The following SORCS2 variants were observed in gnomAD, a reference collection of about 807,000 sequenced individuals.
SORCS2 encodes the protein VPS10 domain-containing receptor SorCS2.
SORCS2 carries 100 observed loss-of-function variants against 141.6 expected under a neutral mutation model. That is an observed-to-expected ratio of 0.71 (90% CI 0.60 to 0.83). SORCS2 has a LOEUF of 0.83. Among genes scored for constraint, SORCS2 ranks in the 40% least tolerant of loss-of-function variants. The pLI, the probability that SORCS2 is intolerant of heterozygous loss-of-function variation, is 0.00. For missense variants in SORCS2, 1,646 were observed against 1,560.2 expected, an observed-to-expected ratio of 1.05 and a Z score of -0.93; for synonymous variants, 789 against 676.9, an observed-to-expected ratio of 1.17 and a Z score of -2.57.
intron 2 of SORCS2, among the ~76,000 whole-genome samples, chr4:7,523,404 A>C (rs1412658604): frequency 6.6e-6 from 1 of 152,172 alleles, no homozygotes; most frequent in Non-Finnish European, 1.5e-5. Context: ...CTCCAAAGGA[A>C]TCCAACAAGC....
chr4:7,288,590 G>A lies in SORCS2; in HGVS notation c.480+95464G>A, dbSNP rs1383972134. Among the ~76,000 whole-genome samples the A allele has an allele frequency of 3.3e-5, 5 of 149,396 alleles. No homozygotes were observed. In the East Asian group the frequency reaches 1.0e-3, roughly 30 times the overall value. On this transcript the variant is annotated intron_variant, in intron 1 of 26. Transcript: ENST00000507866. ...GGGGGGAGAGGGGGTGGGAGGAGGA[G>A]AAGAGAGAGGAGAGAGGAGAGGGGA...
chr4:7,510,301 A>G (rs1041241211), intron 2 of SORCS2, among the ~76,000 whole-genome samples: 2 of 152,124 alleles, frequency 1.3e-5, no homozygotes, highest in Non-Finnish European at 2.9e-5. Flanking sequence ...CCGGCCCCCG[A>G]TTCGGGGTGA....
At chr4:7,694,875 T>G (rs1288010102) in intron 11 of SORCS2, among the ~76,000 whole-genome samples, 1 of 152,102 alleles carries the variant, frequency 6.6e-6, no homozygotes, top group Non-Finnish European at 1.5e-5. Context: ...CCCTTTCCCT[T>G]GGACAGCCAC....
intron 1 of SORCS2, among the ~76,000 whole-genome samples, chr4:7,276,289 G>A (rs1715497283): frequency 1.3e-5 from 2 of 152,180 alleles, no homozygotes; most frequent in African/African-American, 4.8e-5. Context: ...TCCTGGGAAG[G>A]CAGCCTGCCC....
chr4:7,463,465 T>C (rs937734769), intron 2 of SORCS2, among the ~76,000 whole-genome samples: 7 of 151,872 alleles, frequency 4.6e-5, no homozygotes, highest in African/African-American at 1.7e-4. Context: ...CTTCCCAGAG[T>C]GGAGGTGTGA....
chr4:7,498,799 C>G (rs1294447677), intron 2 of SORCS2, among the ~76,000 whole-genome samples: 1 of 152,252 alleles, frequency 6.6e-6, no homozygotes. Flanking sequence ...CATGAGCAAC[C>G]CCTGGCCCTC....
At chr4:7,323,035 T>A (rs1026393453) in intron 1 of SORCS2, among the ~76,000 whole-genome samples, 4 of 152,206 alleles carry the variant, frequency 2.6e-5, no homozygotes, top group Admixed American at 6.5e-5. Flanking sequence ...ATGGGTGTTA[T>A]CACACATAGG....
chr4:7,490,136 C>A (rs576613336), intron 2 of SORCS2, among the ~76,000 whole-genome samples: 1 of 152,314 alleles, frequency 6.6e-6, no homozygotes, highest in South Asian at 2.1e-4. Context: ...GGGTGCTGGC[C>A]TTGTTGCCTT....
chr4:7,590,327 T>C (rs1180038855), intron 3 of SORCS2, among the ~76,000 whole-genome samples: 1 of 152,226 alleles, frequency 6.6e-6, no homozygotes, highest in African/African-American at 2.4e-5. Flanking sequence ...TGCATATTCA[T>C]AGCTGTGCTT....
intron 18 of SORCS2, among the ~76,000 whole-genome samples, chr4:7,718,820 T>A (rs1726374498): frequency 6.6e-6 from 1 of 152,198 alleles, no homozygotes; most frequent in African/African-American, 2.4e-5. Context: ...AGAGTATAAA[T>A]ATGTCTCAAA....
At chr4:7,536,651 A>G (rs1254575555) in intron 3 of SORCS2, among the ~76,000 whole-genome samples, 1 of 152,194 alleles carries the variant, frequency 6.6e-6, no homozygotes, top group Non-Finnish European at 1.5e-5. Context: ...GAAGGATGTG[A>G]TGGGCTGGGC....
In SORCS2 at chr4:7,687,651, G is replaced by A. The variant is rs73794379; in HGVS notation, c.1489-1835G>A. On this transcript the variant is annotated intron_variant, in intron 10 of 26. Transcript: ENST00000507866. ...TCCCTCAGTCATCTTCAGGATGTGC[G>A]TCTGCAATGGACACAGGGCCACCTT... Among the ~76,000 whole-genome samples, 1,028 of 152,178 alleles carry A rather than the reference G, an allele frequency of 6.8e-3. 15 individuals are homozygous for A. The highest frequency in any genetic ancestry group is 0.023 in the African/African-American group (955 of 41,506).
chr4:7,694,547 G>A (rs577017817), intron 11 of SORCS2, among the ~76,000 whole-genome samples: 2 of 152,294 alleles, frequency 1.3e-5, no homozygotes, highest in South Asian at 2.1e-4. Flanking sequence ...ATTGGCCCGC[G>A]CAGTGTGCTG....
intron 9 of SORCS2, among the ~76,000 whole-genome samples, chr4:7,678,363 T>C (rs7695677): frequency 0.27 from 40,913 of 150,530 alleles, 5,633 homozygotes; most frequent in East Asian, 0.42. Context: ...CTGGGTGCCC[T>C]CCCAAGGGAT....
rs200559940 is a variant in SORCS2, at chr4:7,329,617, A to G, written c.481-66671A>G. On this transcript the variant is annotated intron_variant, in intron 1 of 26. Coordinates refer to ENST00000507866, the MANE Select transcript of SORCS2 (RefSeq NM_020777.3). ...GCCAAACACATTGCAGGAGAGAAACACGAAGAAGCATATGTAAGTTTCCCA... is the reference window on the plus strand; with the variant it reads ...GCCAAACACATTGCAGGAGAGAAACGCGAAGAAGCATATGTAAGTTTCCCA... Among the ~76,000 whole-genome samples, 9 of 152,360 alleles carry G rather than the reference A, an allele frequency of 5.9e-5. No individual in the cohort carries two copies. The East Asian group carries it at 1.3e-3, about 23-fold the overall frequency.
intron 1 of SORCS2, among the ~76,000 whole-genome samples, chr4:7,280,871 C>T (rs1215754094): frequency 4.6e-5 from 7 of 152,144 alleles, no homozygotes; most frequent in Admixed American, 3.9e-4. Flanking sequence ...ACCTGGTACC[C>T]GGTGAGGGCT....
At chr4:7,540,968 G>A (rs767160166) in intron 3 of SORCS2, among the ~76,000 whole-genome samples, 10 of 152,222 alleles carry the variant, frequency 6.6e-5, no homozygotes, top group Non-Finnish European at 1.3e-4. Flanking sequence ...GAGCCAGTGC[G>A]TGAGGCATGG....
chr4:7,420,408 G>A (rs979116139), intron 2 of SORCS2, among the ~76,000 whole-genome samples: 1 of 152,182 alleles, frequency 6.6e-6, no homozygotes, highest in African/African-American at 2.4e-5. Flanking sequence ...GCCATATCCT[G>A]GCTGGGCACA....
chr4:7,423,677 C>T (rs1471385556), intron 2 of SORCS2, among the ~76,000 whole-genome samples: 2 of 152,168 alleles, frequency 1.3e-5, no homozygotes, highest in Non-Finnish European at 2.9e-5. Flanking sequence ...CCTACCCTGG[C>T]CTAGCACCTG....
Sources: allele counts gnomAD v4.1 joint callset (sites outside exome capture counted in the v4.1 genomes callset), GRCh38; gene constraint gnomAD v4.1.1; transcripts MANE v1.5; gene names NCBI Gene and HGNC (gene_info 2026-07-23, HGNC 2026-07-21).